The following PRKAR1B variants were observed in gnomAD, a reference collection of about 807,000 sequenced individuals.
The protein encoded by PRKAR1B is protein kinase cAMP-dependent type I regulatory subunit beta.
A neutral mutation model predicts 46.5 loss-of-function variants in PRKAR1B; 22 were observed. The observed-to-expected ratio is 0.47, with a 90% CI of 0.34 to 0.68. The LOEUF (loss-of-function observed/expected upper bound fraction) is 0.68, where lower values mean the gene tolerates loss of function less well. Among genes scored for constraint, PRKAR1B ranks in the 30% least tolerant of loss-of-function variants. PRKAR1B has a pLI of 0.01. For synonymous variants in PRKAR1B, 259 were observed against 217.7 expected (o/e 1.19, Z -1.67); for missense variants, 445 against 535.6 (o/e 0.83, Z 1.67).
intron 2 of PRKAR1B, among the ~76,000 whole-genome samples, chr7:708,704 C>T (rs559646651): frequency 3.9e-5 from 6 of 151,970 alleles, no homozygotes; most frequent in Admixed American, 2.0e-4. Context: ...CCAGGCTGGT[C>T]TCCAACTCCT....
chr7:660,246 G>C (rs559326001), intron 4 of PRKAR1B, among the ~76,000 whole-genome samples: 1 of 151,822 alleles, frequency 6.6e-6, no homozygotes, highest in Non-Finnish European at 1.5e-5. Context: ...TCTCCCCGGG[G>C]ACATGGGCCC....
Position 644,826 on chromosome 7 carries a change from C to T in PRKAR1B, c.440+32403G>A, listed in dbSNP as rs1243274334. Among the ~76,000 whole-genome samples the T allele has an allele frequency of 1.3e-5, 2 of 152,154 alleles. No individual in the cohort carries two copies. Among genetic ancestry groups the T allele is most frequent in the Non-Finnish European group, 2.9e-5 (2 of 68,034 alleles). ...GAAGCGGGCCCCAAAGAGGCTGGAC[C>T]GGGCAGTGCCGTCGGCCAAAGGGTC... is the stretch of plus-strand genomic sequence containing the variant. On this transcript the variant is annotated intron_variant, in intron 4 of 10. Transcript: ENST00000537384. The surrounding 1 kb of genome is among the most constrained non-coding windows in gnomAD (Gnocchi z 4.9).
At chr7:621,097 T>C (rs1273971857) in intron 4 of PRKAR1B, among the ~76,000 whole-genome samples, 1 of 152,240 alleles carries the variant, frequency 6.6e-6, no homozygotes, top group Non-Finnish European at 1.5e-5. Context: ...GGTTGAACCA[T>C]CCTTGAATTC....
intron 2 of PRKAR1B, among the ~76,000 whole-genome samples, chr7:709,926 G>T (rs1262293234): frequency 6.6e-6 from 1 of 152,208 alleles, no homozygotes; most frequent in African/African-American, 2.4e-5. Context: ...ACAGGTATAA[G>T]CCACCGTATC....
At chr7:550,664 G>A (rs1784126651) in intron 10 of PRKAR1B, 62 bp from the exon 11 acceptor site, 7 of 1,407,674 alleles carry the variant, frequency 5.0e-6, no homozygotes, top group Non-Finnish European at 6.6e-6. Flanking sequence ...AGCAGGGAAA[G>A]ATTATGTCCA....
chr7:550,869 G>A (rs1191254651), intron 10 of PRKAR1B, among the ~76,000 whole-genome samples: 1 of 151,998 alleles, frequency 6.6e-6, no homozygotes, highest in East Asian at 1.9e-4. Flanking sequence ...GAATGCCCAG[G>A]TGTGCCCAGG....
At chr7:645,441 A>G (rs897485084) in intron 4 of PRKAR1B, among the ~76,000 whole-genome samples, 2 of 152,152 alleles carry the variant, frequency 1.3e-5, no homozygotes, top group African/African-American at 4.8e-5. Flanking sequence ...GCTTGAGCCC[A>G]GGGGTTCAAG....
chr7:702,690 G>A (rs1235752810), intron 2 of PRKAR1B, among the ~76,000 whole-genome samples: 1 of 152,192 alleles, frequency 6.6e-6, no homozygotes, highest in African/African-American at 2.4e-5. Flanking sequence ...GGGTGTGGTG[G>A]CAGGTGCCTG....
rs1376732415 is a variant in PRKAR1B at position 607,447 on chromosome 7, A to G, written c.446T>C (p.Ile149Thr). 1 of 1,613,888 alleles carries G rather than the reference A, an allele frequency of 6.2e-7. No homozygotes were observed. The highest frequency in any genetic ancestry group is 2.2e-5 in the East Asian group (1 of 44,876). ...AHLDDNERSD[I>T]FDAMFPVTHI... Reference sequence around the variant, plus strand: ...AGTGACAGGGAACATGGCATCGAATATGTCACTGAAAAGCAAAACACGCCA... The same window carrying G: ...AGTGACAGGGAACATGGCATCGAATGTGTCACTGAAAAGCAAAACACGCCA... The change falls in exon 5 of 11, where the codon ATA becomes ACA. Residue 149 changes from isoleucine to threonine, a missense_variant. By Grantham distance (89) the Ile-to-Thr change is moderately conservative. Transcript: ENST00000537384.
At chr7:617,929 C>T (rs1782923296) in intron 4 of PRKAR1B, among the ~76,000 whole-genome samples, 1 of 152,216 alleles carries the variant, frequency 6.6e-6, no homozygotes, top group African/African-American at 2.4e-5. Context: ...TCCAGTTTCT[C>T]TTAAAACACA....
chr7:575,855 G>A (rs909837156), intron 9 of PRKAR1B, among the ~76,000 whole-genome samples: 25 of 152,206 alleles, frequency 1.6e-4, no homozygotes, highest in African/African-American at 6.0e-4. Flanking sequence ...TGGGATTACA[G>A]CATGAGCCAC....
At chr7:653,684 T>C (rs1040824814) in intron 4 of PRKAR1B, among the ~76,000 whole-genome samples, 4 of 152,154 alleles carry the variant, frequency 2.6e-5, no homozygotes, top group Non-Finnish European at 5.9e-5. Context: ...CACATGGTGC[T>C]ACATAGCTGG....
chr7:680,493 C>T (rs1778608119), intron 3 of PRKAR1B, 63 bp downstream of exon 3: 1 of 1,486,100 alleles, frequency 6.7e-7, no homozygotes. Context: ...TTCCAGGGAG[C>T]TCACAGGTGA....
At chr7:591,693 A>G (rs566001254) in intron 7 of PRKAR1B, among the ~76,000 whole-genome samples, 1 of 151,580 alleles carries the variant, frequency 6.6e-6, no homozygotes, top group Admixed American at 6.6e-5. Flanking sequence ...CTATTAACAG[A>G]AAAAAAAAGG....
At chr7:564,899 C>T (rs1779039070) in intron 9 of PRKAR1B, among the ~76,000 whole-genome samples, 1 of 152,176 alleles carries the variant, frequency 6.6e-6, no homozygotes. Flanking sequence ...GGTATTTTTC[C>T]ACCATCCCTG....
chr7:564,259 A>G (rs935457390), intron 9 of PRKAR1B, among the ~76,000 whole-genome samples: 6 of 152,176 alleles, frequency 3.9e-5, no homozygotes, highest in Non-Finnish European at 8.8e-5. Flanking sequence ...AGGTGGGGCC[A>G]GGGTGGGACA....
At chr7:612,861 T>A (rs888717015) in intron 4 of PRKAR1B, among the ~76,000 whole-genome samples, 1 of 151,894 alleles carries the variant, frequency 6.6e-6, no homozygotes, top group Non-Finnish European at 1.5e-5. Flanking sequence ...TGAAAAGATG[T>A]GTGTGTGTAA....
At chr7:623,833 G>C (rs192412179) in intron 4 of PRKAR1B, among the ~76,000 whole-genome samples, 2 of 152,198 alleles carry the variant, frequency 1.3e-5, no homozygotes, top group African/African-American at 4.8e-5. Context: ...AGAGAGAAGC[G>C]CGTGAATGGC....
chr7:606,311 C>A (rs548007122), intron 5 of PRKAR1B, 72 bp from the exon 6 acceptor site: 15 of 1,470,346 alleles, frequency 1.0e-5, no homozygotes, highest in Non-Finnish European at 1.2e-5. Context: ...CTCTTGCAAA[C>A]GACTTTCGCA....
Sources: gnomAD v4.1 joint callset for allele counts (sites outside exome capture counted in the v4.1 genomes callset) on GRCh38, gnomAD v4.1.1 for gene constraint, Gnocchi (gnomAD v3.1) non-coding constraint, MANE v1.5 for transcripts, NCBI Gene and HGNC (gene_info 2026-07-23, HGNC 2026-07-21) for gene names.